The following B3GALT1 variants were observed in gnomAD, a reference collection of about 807,000 sequenced individuals.
B3GALT1 encodes beta-1,3-galactosyltransferase 1.
Under a neutral mutation model 23.2 loss-of-function variants are expected in B3GALT1, and 10 were observed. The ratio of observed to expected loss-of-function variants is 0.43; its 90% CI spans 0.27 to 0.73. B3GALT1 has a LOEUF of 0.73. B3GALT1 is among the 30% of genes least tolerant of loss of function. The probability of loss-of-function intolerance (pLI) is 0.21; values close to 1 mark genes in which losing one functional copy is unlikely to be tolerated. For missense variants in B3GALT1, 299 were observed against 405.4 expected (o/e 0.74, Z 2.25); for synonymous variants, 156 against 141.5 (o/e 1.10, Z -0.73).
intron 1 of B3GALT1, among the ~76,000 whole-genome samples, chr2:167,444,087 A>T (rs1336851207): frequency 6.6e-6 from 1 of 152,162 alleles, no homozygotes; most frequent in Non-Finnish European, 1.5e-5. Context: ...AGGGCTGTTG[A>T]ATTTTGTCAA....
intron 3 of B3GALT1, among the ~76,000 whole-genome samples, chr2:167,705,770 C>T (rs1686958459): frequency 6.6e-6 from 1 of 152,180 alleles, no homozygotes; most frequent in Non-Finnish European, 1.5e-5. Flanking sequence ...ACTCATATTC[C>T]AGCATCCAGA....
chr2:167,853,723 T>A (rs901260989), intron 4 of B3GALT1, among the ~76,000 whole-genome samples: 1 of 152,174 alleles, frequency 6.6e-6, no homozygotes, highest in African/African-American at 2.4e-5. Flanking sequence ...TGTTGGCACA[T>A]GTAATTATAA....
chr2:167,334,903 C>T (rs1475724488), intron 1 of B3GALT1, among the ~76,000 whole-genome samples: 1 of 152,098 alleles, frequency 6.6e-6, no homozygotes, highest in African/African-American at 2.4e-5. Flanking sequence ...TCTCAAGTTC[C>T]AAGTGATTGT....
At chr2:167,345,290 T>G (rs949693691) in intron 1 of B3GALT1, among the ~76,000 whole-genome samples, 2 of 152,052 alleles carry the variant, frequency 1.3e-5, no homozygotes, top group African/African-American at 4.8e-5. Context: ...GTAGGTGGCC[T>G]GGTTAATTTT....
rs566720422 is a variant in B3GALT1, at chr2:167,715,724, T to C, written c.-352+68758T>C. Reference sequence around the variant, plus strand: ...TGCTGCCGCCTTCTCAAAGCTGGCATCCTCTAAAGATGACTGTACTTCATA... The same window carrying C: ...TGCTGCCGCCTTCTCAAAGCTGGCACCCTCTAAAGATGACTGTACTTCATA... On this transcript the variant is annotated intron_variant, in intron 3 of 4. Transcript: ENST00000392690. 10 of 1,613,200 alleles carry C rather than the reference T, an allele frequency of 6.2e-6. No homozygotes were observed. In the African/African-American group the frequency reaches 6.7e-5, roughly 11 times the overall value.
intron 2 of B3GALT1, among the ~76,000 whole-genome samples, chr2:167,535,495 C>T (rs1192590902): frequency 1.3e-5 from 2 of 151,914 alleles, no homozygotes; most frequent in African/African-American, 2.4e-5. Context: ...CAGAGTTAAT[C>T]TAACTGCTTC....
chr2:167,580,896 G>C (rs1684472774), intron 2 of B3GALT1, among the ~76,000 whole-genome samples: 1 of 152,140 alleles, frequency 6.6e-6, no homozygotes, highest in South Asian at 2.1e-4. Context: ...GACAGGTGTG[G>C]AGAGACACTG....
chr2:167,641,759 T>C (rs1685656364), intron 2 of B3GALT1, among the ~76,000 whole-genome samples: 1 of 152,136 alleles, frequency 6.6e-6, no homozygotes, highest in Admixed American at 6.6e-5. Flanking sequence ...CCTGCAAATG[T>C]TGGCGTGCTC....
At chr2:167,505,138 T>A (rs186567513) in intron 2 of B3GALT1, among the ~76,000 whole-genome samples, 7 of 152,256 alleles carry the variant, frequency 4.6e-5, no homozygotes, top group Non-Finnish European at 1.0e-4. Flanking sequence ...ATACAAAGGA[T>A]GTATTGGGAA....
intron 2 of B3GALT1, among the ~76,000 whole-genome samples, chr2:167,521,978 G>GTA (rs1430638545): frequency 9.9e-5 from 9 of 90,788 alleles, no homozygotes; most frequent in East Asian, 6.6e-4. Flanking sequence ...ATGTGTGTGT[G>GTA]TGTGTGTATA....
At chr2:167,442,766 T>G (rs1483102960) in intron 1 of B3GALT1, among the ~76,000 whole-genome samples, 1 of 147,892 alleles carries the variant, frequency 6.8e-6, no homozygotes, top group Non-Finnish European at 1.5e-5. Context: ...TTGTAGATTC[T>G]GGATATTAGC....
At chr2:167,766,901 AC>A (rs1687986263) in intron 3 of B3GALT1, among the ~76,000 whole-genome samples, 1 of 152,042 alleles carries the variant, frequency 6.6e-6, no homozygotes, top group African/African-American at 2.4e-5. Context: ...TGTTGTCATG[AC>A]CTTTTTACCC....
intron 2 of B3GALT1, among the ~76,000 whole-genome samples, chr2:167,635,847 TA>T (rs1685543166): frequency 6.6e-6 from 1 of 152,072 alleles, no homozygotes; most frequent in African/African-American, 2.4e-5. Context: ...AAAACTACTT[TA>T]AATTTCATAT....
chr2:167,530,427 G>C (rs911671069), intron 2 of B3GALT1, among the ~76,000 whole-genome samples: 2 of 152,038 alleles, frequency 1.3e-5, no homozygotes, highest in South Asian at 2.1e-4. Flanking sequence ...GTAGGTGCTC[G>C]CTAAACATTT....
At chr2:167,442,195 C>A (rs1209222940) in intron 1 of B3GALT1, among the ~76,000 whole-genome samples, 1 of 152,112 alleles carries the variant, frequency 6.6e-6, no homozygotes, top group East Asian at 1.9e-4. Flanking sequence ...CATGTCCCTA[C>A]AAAGGACATG....
chr2:167,703,730 G>A (rs1244730450), intron 3 of B3GALT1, among the ~76,000 whole-genome samples: 1 of 152,172 alleles, frequency 6.6e-6, no homozygotes, highest in Non-Finnish European at 1.5e-5. Context: ...TGCAAGGGCA[G>A]ATCATTTCAG....
At chr2:167,630,765 A>G (rs907670294) in intron 2 of B3GALT1, among the ~76,000 whole-genome samples, 1 of 151,838 alleles carries the variant, frequency 6.6e-6, no homozygotes, top group African/African-American at 2.4e-5. Flanking sequence ...TTTGAAAATT[A>G]TCATAATACA....
chr2:167,432,138 G>C (rs1444983701), intron 1 of B3GALT1, among the ~76,000 whole-genome samples: 1 of 152,130 alleles, frequency 6.6e-6, no homozygotes, highest in Non-Finnish European at 1.5e-5. Context: ...AGTCAGCAGA[G>C]ATCTTGTACA....
At chr2:167,794,807 T>A (rs1688514497) in intron 3 of B3GALT1, among the ~76,000 whole-genome samples, 1 of 152,226 alleles carries the variant, frequency 6.6e-6, no homozygotes, top group Non-Finnish European at 1.5e-5. Flanking sequence ...AAAGTCAAAA[T>A]GATCAAAGAC....
Sources: allele counts gnomAD v4.1 joint callset (sites outside exome capture counted in the v4.1 genomes callset), GRCh38; gene constraint gnomAD v4.1.1; transcripts MANE v1.5; gene names NCBI Gene and HGNC (gene_info 2026-07-23, HGNC 2026-07-21).